STAMBPL1: variants seen among roughly 807,000 people sequenced by gnomAD.
STAMBPL1 encodes AMSH-like protease.
In STAMBPL1, 44 loss-of-function variants were observed where a neutral mutation model predicts 52.9. The observed-to-expected ratio is 0.83, with a 90% confidence interval of 0.65 to 1.07. The LOEUF (loss-of-function observed/expected upper bound fraction) is 1.07. Ranked by LOEUF, STAMBPL1 falls within the 50% of genes least tolerant of loss-of-function variation. The pLI is 0.00. For missense variants in STAMBPL1, 511 were observed against 520.8 expected (o/e 0.98, Z 0.18); for synonymous variants, 164 against 177.3 (o/e 0.92, Z 0.60).
intron 1 of STAMBPL1, among the ~76,000 whole-genome samples, chr10:88,895,687 CA>C (rs1215680985): frequency 2.0e-5 from 3 of 152,130 alleles, no homozygotes; most frequent in African/African-American, 7.2e-5. Flanking sequence ...ATAAGGTGCA[CA>C]AAAAGGTTAA....
At chr10:88,904,245 T>C (rs1022845229) in intron 2 of STAMBPL1, among the ~76,000 whole-genome samples, 8 of 152,218 alleles carry the variant, frequency 5.3e-5, no homozygotes, top group African/African-American at 1.7e-4. Context: ...TCTAAAGCCT[T>C]GCTTCTCAAA....
chr10:88,921,281 A>G lies in STAMBPL1; in HGVS notation c.1042-2A>G. 1.9e-6 allele frequency: 3 copies of G among 1,609,804 alleles called. No homozygotes were observed. Among genetic ancestry groups the G allele is most frequent in the Non-Finnish European group, 2.5e-6 (3 of 1,176,866 alleles). On this transcript the variant is annotated splice_acceptor_variant, in intron 8 of 10. Transcript: ENST00000371926. LOFTEE classifies it high-confidence loss of function. ...TAAGATTATCTTATTTTCTATTTAT[A>G]GACACATCCCACTCAAACTGCATTT...
At chr10:88,911,647 T>TTG (rs1845228273) in intron 5 of STAMBPL1, among the ~76,000 whole-genome samples, 1 of 152,168 alleles carries the variant, frequency 6.6e-6, no homozygotes, top group Non-Finnish European at 1.5e-5. Flanking sequence ...GCTTTTTTGT[T>TTG]TGTGTTTTAT....
intron 7 of STAMBPL1, among the ~76,000 whole-genome samples, 156 bp from the exon 8 acceptor site, chr10:88,916,524 G>A (rs1272662058): frequency 6.9e-6 from 1 of 144,332 alleles, no homozygotes; most frequent in East Asian, 2.2e-4. Flanking sequence ...AAAGGGTGGT[G>A]TGTCCAGGTA....
At chr10:88,887,017 G>A (rs371227262) in intron 1 of STAMBPL1, among the ~76,000 whole-genome samples, 4 of 152,188 alleles carry the variant, frequency 2.6e-5, no homozygotes, top group Non-Finnish European at 5.9e-5. Context: ...CTTCTGGTGG[G>A]TTGACTCTGG....
At chr10:88,911,130 G>A (rs1845212954) in intron 5 of STAMBPL1, 119 bp downstream of exon 5, 1 of 614,560 alleles carries the variant, frequency 1.6e-6, no homozygotes. Context: ...AATTAAAGAT[G>A]CAGTGATATG....
intron 1 of STAMBPL1, among the ~76,000 whole-genome samples, chr10:88,894,246 T>C (rs910958063): frequency 6.6e-6 from 1 of 152,204 alleles, no homozygotes; most frequent in African/African-American, 2.4e-5. Context: ...GGAGACTGCA[T>C]GTCTAATCCC....
chr10:88,908,428 A>G (rs985696505), intron 3 of STAMBPL1, among the ~76,000 whole-genome samples: 10 of 152,190 alleles, frequency 6.6e-5, no homozygotes, highest in Admixed American at 4.6e-4. Flanking sequence ...CTAAGCATGC[A>G]GTACCTGAGA....
chr10:88,888,918 C>G (rs189430282), intron 1 of STAMBPL1, among the ~76,000 whole-genome samples: 1 of 152,230 alleles, frequency 6.6e-6, no homozygotes, highest in African/African-American at 2.4e-5. Flanking sequence ...CCTCATGATC[C>G]CACCCTTGAG....
intron 1 of STAMBPL1, among the ~76,000 whole-genome samples, chr10:88,890,566 T>A (rs959198334): frequency 6.6e-6 from 1 of 152,158 alleles, no homozygotes; most frequent in African/African-American, 2.4e-5. Context: ...AGGGAAGGGG[T>A]AGGTGCAGGA....
chr10:88,891,497 T>C (rs540843848), intron 1 of STAMBPL1, among the ~76,000 whole-genome samples: 1 of 152,298 alleles, frequency 6.6e-6, no homozygotes, highest in Non-Finnish European at 1.5e-5. Flanking sequence ...ATTTGCATAG[T>C]TTCCCTACAA....
At chr10:88,901,104 A>G (rs1844932808) in intron 1 of STAMBPL1, 1 of 152,266 alleles carries the variant, frequency 6.6e-6, no homozygotes, top group South Asian at 2.1e-4. Context: ...GATTCAACAT[A>G]TTCATGGGAA....
intron 1 of STAMBPL1, among the ~76,000 whole-genome samples, chr10:88,896,730 T>C (rs758527540): frequency 2.6e-5 from 4 of 152,140 alleles, no homozygotes; most frequent in Admixed American, 6.5e-5. Flanking sequence ...ATGCTGAGTC[T>C]CTTAGGAGAC....
Position 88,889,214 on chromosome 10 carries a change from G to T in STAMBPL1, c.-54+8576G>T, listed in dbSNP as rs1441555405. On this transcript the variant is annotated intron_variant, in intron 1 of 10. Coordinates refer to ENST00000371926, the MANE Select transcript of STAMBPL1 (RefSeq NM_020799.4). ...ATTTTAAAACCATGCTGCAGTGTGT[G>T]TGTATATATTAAATGGTCAAGGAAA... Among the ~76,000 whole-genome samples, 3 of 152,122 alleles carry T rather than the reference G, an allele frequency of 2.0e-5. No individual in the cohort carries two copies. The East Asian group carries it at 5.8e-4, about 29-fold the overall frequency.
At chr10:88,920,630 G>A (rs1845485797) in intron 8 of STAMBPL1, among the ~76,000 whole-genome samples, 1 of 152,048 alleles carries the variant, frequency 6.6e-6, no homozygotes, top group South Asian at 2.1e-4. Context: ...TTTGTATATA[G>A]CCAGAAACTT....
chr10:88,907,518 T>C (rs1179246147), intron 3 of STAMBPL1, among the ~76,000 whole-genome samples: 2 of 152,234 alleles, frequency 1.3e-5, no homozygotes, highest in Non-Finnish European at 2.9e-5. Flanking sequence ...CTTGCATATG[T>C]TCCTATGGAA....
chr10:88,886,969 A>G (rs1214786905), intron 1 of STAMBPL1, among the ~76,000 whole-genome samples: 1 of 152,174 alleles, frequency 6.6e-6, no homozygotes, highest in Non-Finnish European at 1.5e-5. Flanking sequence ...CACTAGAAAT[A>G]CAGAGAGGCT....
Position 88,916,704 on chromosome 10 carries a change from C to T in STAMBPL1, c.928C>T (p.His310Tyr). 1 of 1,605,182 alleles carries T rather than the reference C, an allele frequency of 6.2e-7. No individual in the cohort carries two copies. The highest frequency in any genetic ancestry group is 8.5e-7 in the Non-Finnish European group (1 of 1,176,336). ...GACACATAATGAATTTACTATTACC[C>T]ATGTAATTGTGCCAAAGCAGTCTGC... The part of the protein sequence containing the change: ...KLTHNEFTIT[H>Y]VIVPKQSAGP... The change falls in exon 8 of 11, where the codon CAT becomes TAT. Residue 310 changes from histidine to tyrosine, a missense_variant. Coordinates refer to ENST00000371926, the MANE Select transcript of STAMBPL1 (RefSeq NM_020799.4).
At chr10:88,900,643 G>A (rs1373108957) in intron 1 of STAMBPL1, among the ~76,000 whole-genome samples, 2 of 152,182 alleles carry the variant, frequency 1.3e-5, no homozygotes, top group South Asian at 2.1e-4. Context: ...CTCCCATTTT[G>A]TAGATGCACA....
Sources: gnomAD v4.1 joint callset for allele counts (sites outside exome capture counted in the v4.1 genomes callset) on GRCh38, gnomAD v4.1.1 for gene constraint, MANE v1.5 for transcripts, NCBI Gene and HGNC (gene_info 2026-07-23, HGNC 2026-07-21) for gene names.